PDE7B: variants seen among roughly 807,000 people sequenced by gnomAD.
PDE7B encodes the protein 3',5'-cyclic-AMP phosphodiesterase 7B.
PDE7B carries 29 observed loss-of-function variants against 56.2 expected under a neutral mutation model. The ratio of observed to expected loss-of-function variants is 0.52; its 90% confidence interval spans 0.38 to 0.70. The LOEUF (loss-of-function observed/expected upper bound fraction) is 0.70. Among genes scored for constraint, PDE7B ranks in the 30% least tolerant of loss-of-function variants. PDE7B has a pLI of 0.00. For synonymous variants in PDE7B, 197 were observed against 196.9 expected (o/e 1.00, Z 0.00); for missense variants, 490 against 565.0 (o/e 0.87, Z 1.35).
At chr6:136,155,798 A>T (rs370368427) in intron 8 of PDE7B, 40 bp downstream of exon 8, 1 of 1,606,846 alleles carries the variant, frequency 6.2e-7, no homozygotes. Context: ...AGTATGGTCA[A>T]TCGCCTTAGG....
At chr6:135,971,563 A>T (rs919390739) in intron 2 of PDE7B, among the ~76,000 whole-genome samples, 3 of 152,188 alleles carry the variant, frequency 2.0e-5, no homozygotes, top group Non-Finnish European at 4.4e-5. Flanking sequence ...ATAGGAACAG[A>T]TGGTGTAGAA....
chr6:135,852,043 C>A, intron 1 of PDE7B, 24 bp downstream of exon 1: 1 of 1,569,186 alleles, frequency 6.4e-7, no homozygotes, highest in South Asian at 1.1e-5. Flanking sequence ...ATTTAAGCGG[C>A]AAGCTCAGTT....
rs190155533 is a variant in PDE7B, at chr6:136,126,719, G to A, written c.166+17905G>A. Among the ~76,000 whole-genome samples, 553 of 152,262 alleles carry A rather than the reference G, an allele frequency of 3.6e-3. 3 individuals carry two copies. The highest frequency in any genetic ancestry group is 0.013 in the African/African-American group (525 of 41,548). ...ACTCAGGAATGGAAAACCAAACATCGTATGTTCTCACTCATAAGTGAGAGC... is the reference window on the plus strand; with the variant it reads ...ACTCAGGAATGGAAAACCAAACATCATATGTTCTCACTCATAAGTGAGAGC... On this transcript the variant is annotated intron_variant, in intron 3 of 12. Coordinates refer to ENST00000308191, the MANE Select transcript of PDE7B (RefSeq NM_018945.4).
chr6:136,173,451 T>C (rs1305351497), intron 8 of PDE7B, among the ~76,000 whole-genome samples: 1 of 152,224 alleles, frequency 6.6e-6, no homozygotes, highest in Non-Finnish European at 1.5e-5. Context: ...GCTAGCCGTA[T>C]GTAGAAAGCT....
At chr6:135,863,884 C>T (rs1368904901) in intron 1 of PDE7B, among the ~76,000 whole-genome samples, 2 of 151,942 alleles carry the variant, frequency 1.3e-5, no homozygotes, top group Non-Finnish European at 2.9e-5. Context: ...ATCATTCAGT[C>T]TGACTATATT....
chr6:135,934,400 A>C (rs1337035722), intron 1 of PDE7B, among the ~76,000 whole-genome samples: 3 of 151,922 alleles, frequency 2.0e-5, no homozygotes, highest in Non-Finnish European at 4.4e-5. Flanking sequence ...TTTTGGTAAT[A>C]TTTGTCAGTG....
intron 2 of PDE7B, among the ~76,000 whole-genome samples, chr6:135,989,284 C>T (rs559579171): frequency 6.6e-6 from 1 of 152,258 alleles, no homozygotes; most frequent in African/African-American, 2.4e-5. Context: ...GCTTGTCCTT[C>T]ATGGTGACTG....
chr6:135,989,419 G>C (rs1435494495), intron 2 of PDE7B, among the ~76,000 whole-genome samples: 1 of 152,146 alleles, frequency 6.6e-6, no homozygotes, highest in Non-Finnish European at 1.5e-5. Context: ...TTCGAGACCA[G>C]CCAGACCAAC....
At chr6:136,178,957 G>A in intron 9 of PDE7B, 40 bp from the exon 10 acceptor site, 1 of 1,610,210 alleles carries the variant, frequency 6.2e-7, no homozygotes, top group Non-Finnish European at 8.5e-7. Context: ...AAAGGGATTT[G>A]CTTTGTGTGT....
chr6:136,112,063 C>T (rs1279931121), intron 3 of PDE7B, among the ~76,000 whole-genome samples: 1 of 152,080 alleles, frequency 6.6e-6, no homozygotes, highest in Non-Finnish European at 1.5e-5. Context: ...TCCAAAGTGT[C>T]GCTGGGTGGG....
At chr6:136,087,367 A>G (rs1404313587) in intron 2 of PDE7B, among the ~76,000 whole-genome samples, 3 of 152,160 alleles carry the variant, frequency 2.0e-5, no homozygotes, top group African/African-American at 7.2e-5. Flanking sequence ...GACATAAGAA[A>G]AATATAAGAA....
chr6:136,136,149 G>C (rs893158330), intron 3 of PDE7B, among the ~76,000 whole-genome samples: 4 of 152,080 alleles, frequency 2.6e-5, no homozygotes, highest in Non-Finnish European at 5.9e-5. Context: ...AAGAGTGAAA[G>C]AGCTGTGCTG....
intron 2 of PDE7B, among the ~76,000 whole-genome samples, chr6:136,033,125 AG>A (rs1022754097): frequency 2.0e-5 from 3 of 152,248 alleles, no homozygotes; most frequent in Non-Finnish European, 4.4e-5. Context: ...AGAGGGTGCC[AG>A]GGGCACACAC....
intron 1 of PDE7B, among the ~76,000 whole-genome samples, chr6:135,890,035 G>T (rs1036168191): frequency 2.0e-5 from 3 of 152,144 alleles, no homozygotes; most frequent in Non-Finnish European, 4.4e-5. Context: ...TTACAGGCAT[G>T]AGCCACCACA....
At chr6:136,019,379 G>C (rs916973175) in intron 2 of PDE7B, among the ~76,000 whole-genome samples, 2 of 151,290 alleles carry the variant, frequency 1.3e-5, no homozygotes, top group African/African-American at 4.9e-5. Context: ...AGCTAGTACA[G>C]CTGAAAAAAA....
chr6:136,164,612 C>T (rs1362019181), intron 8 of PDE7B, among the ~76,000 whole-genome samples: 3 of 152,074 alleles, frequency 2.0e-5, no homozygotes, highest in Non-Finnish European at 4.4e-5. Flanking sequence ...AAGGATTATA[C>T]TATAAACTCA....
chr6:136,172,645 C>G (rs1562513001), intron 8 of PDE7B, among the ~76,000 whole-genome samples: 1 of 151,760 alleles, frequency 6.6e-6, no homozygotes, highest in Non-Finnish European at 1.5e-5. Flanking sequence ...TTAATTAGAT[C>G]CCATTTGTCA....
intron 2 of PDE7B, among the ~76,000 whole-genome samples, chr6:135,981,177 C>G (rs192731387): frequency 1.3e-5 from 2 of 150,910 alleles, no homozygotes; most frequent in South Asian, 4.2e-4. Flanking sequence ...AGTAAACTAT[C>G]GCAAGAACAA....
At chr6:136,135,101 C>T (rs1406326975) in intron 3 of PDE7B, among the ~76,000 whole-genome samples, 2 of 152,188 alleles carry the variant, frequency 1.3e-5, no homozygotes, top group Middle Eastern at 3.4e-3. Flanking sequence ...TGACAGCCAT[C>T]AAGAAGTCGT....
Sources: allele counts gnomAD v4.1 joint callset (sites outside exome capture counted in the v4.1 genomes callset), GRCh38; gene constraint gnomAD v4.1.1; transcripts MANE v1.5; gene names NCBI Gene and HGNC (gene_info 2026-07-23, HGNC 2026-07-21).